Variants in TMC6 observed in about 807,000 individuals in gnomAD.
The protein encoded by TMC6 is transmembrane channel-like protein 6.
In TMC6, 71 loss-of-function variants were observed where a neutral mutation model predicts 95.4. That is an observed-to-expected ratio of 0.74 (90% CI 0.61 to 0.91). The LOEUF (loss-of-function observed/expected upper bound fraction) is 0.91. Among genes scored for constraint, TMC6 ranks in the 40% least tolerant of loss-of-function variants. The pLI, the probability that TMC6 is intolerant of heterozygous loss-of-function variation, is 0.00. For missense variants in TMC6, 1,074 were observed against 1,079.1 expected (o/e 1.00, Z 0.07); for synonymous variants, 514 against 483.1 (o/e 1.06, Z -0.84).
chr17:78,121,201 C>G lies in TMC6; in HGVS notation c.1384-37G>C, dbSNP rs970298555. The G allele has an allele frequency of 6.4e-7, 1 of 1,556,524 alleles. No homozygotes were observed. The stretch of plus-strand genomic sequence containing the variant: ...CAGGGAGCGGTGTCATGGAAGCCCC[C>G]CATCCATGGTGGGAGCGGGCAGCTA... On this transcript the variant is annotated intron_variant, in intron 11 of 19. Coordinates refer to ENST00000590602, the MANE Select transcript of TMC6 (RefSeq NM_001127198.5). This position sits in a 1 kb window ranked among gnomAD's most constrained non-coding sequence, Gnocchi z 5.6.
chr17:78,114,964 A>G (rs1286593579), intron 18 of TMC6, among the ~76,000 whole-genome samples: 2 of 152,144 alleles, frequency 1.3e-5, no homozygotes, highest in African/African-American at 4.8e-5. Context: ...CCCCGCCCGG[A>G]CCCACCTGGC....
At chr17:78,126,182 C>A (rs944857243) in intron 4 of TMC6, 95 bp downstream of exon 4, 1 of 1,485,760 alleles carries the variant, frequency 6.7e-7, no homozygotes, top group Admixed American at 2.0e-5. Context: ...GCAGCCACTA[C>A]CCAGGGAGAT....
Position 78,108,944 on chromosome 17 carries a change from C to T in TMC6, c.*4204G>A, listed in dbSNP as rs1338931032. The T allele has an allele frequency of 6.3e-6, 1 of 159,712 alleles. No individual in the cohort carries two copies. Among genetic ancestry groups the T allele is most frequent in the Non-Finnish European group, 1.4e-5 (1 of 71,960 alleles). 9.9% of individuals were successfully genotyped at this position (159,712 alleles called of 1,614,324 possible). A position where few individuals can be genotyped will look rare whatever the true frequency, so the allele number is the denominator to read the frequency against. On this transcript the variant is annotated 3_prime_UTR_variant, in exon 20 of 20. Coordinates refer to ENST00000590602, the MANE Select transcript of TMC6 (RefSeq NM_001127198.5). ...CAACCTTGACCTCAAGGTTAAGCTC[C>T]AGCGATCTTCCGACCTCAGCCTCCC... is the stretch of plus-strand genomic sequence containing the variant.
rs1368018505 is a variant in TMC6 at position 78,126,846 on chromosome 17, G to A, written c.-14C>T. 1 of 1,611,582 alleles carries A rather than the reference G, an allele frequency of 6.2e-7. No individual in the cohort carries two copies. The highest frequency in any genetic ancestry group is 1.3e-5 in the African/African-American group (1 of 74,840). ...TGGCTGGGCCATGTCTCTGGCCAAT[G>A]CCCGCTAGTCTGCAGACCTAGGGTA... On this transcript the variant is annotated 5_prime_UTR_variant, in exon 2 of 20. Coordinates refer to ENST00000590602, the MANE Select transcript of TMC6 (RefSeq NM_001127198.5).
At chr17:78,119,141 G>C in intron 14 of TMC6, 95 bp from the exon 15 acceptor site, 1 of 1,494,802 alleles carries the variant, frequency 6.7e-7, no homozygotes, top group South Asian at 1.2e-5. Context: ...TGTGACAGTG[G>C]CCAAAACTGA....
upstream of TMC6, chr17:78,131,335 G>T: frequency 1.7e-6 from 1 of 589,528 alleles, no homozygotes; most frequent in Non-Finnish European, 3.0e-6. Context: ...AGCGGGGCTG[G>T]GCCCGAATTC....
intron 15 of TMC6, chr17:78,118,203 A>G (rs960598511): frequency 6.5e-5 from 37 of 565,774 alleles, no homozygotes; most frequent in African/African-American, 5.5e-4. Context: ...CACCTCCCTC[A>G]GTCCCCACTG....
chr17:78,115,680 G>GGACCAGCTGCCGGGT (rs1567983018), intron 18 of TMC6, among the ~76,000 whole-genome samples: 3 of 113,756 alleles, frequency 2.6e-5, no homozygotes, highest in African/African-American at 1.1e-4. Flanking sequence ...GTGGGCACAG[G>GGACCAGCTGCCGGGT]GGCGAAGGGA....
At chr17:78,119,207 G>T (rs1446015901) in intron 14 of TMC6, 90 bp downstream of exon 14, 3 of 1,552,600 alleles carry the variant, frequency 1.9e-6, no homozygotes, top group Admixed American at 3.3e-5. Context: ...CCTGGCTGTG[G>T]CCCCAGGGGG....
At chr17:78,123,659 T>G (rs1598862036) in intron 9 of TMC6, among the ~76,000 whole-genome samples, 7 of 84,754 alleles carry the variant, frequency 8.3e-5, no homozygotes, top group Admixed American at 1.4e-4. Context: ...GGTGAATGGG[T>G]GGGTAGATGG....
At chr17:78,123,921 A>T in intron 9 of TMC6, 68 bp downstream of exon 9, 1 of 1,583,074 alleles carries the variant, frequency 6.3e-7, no homozygotes. Flanking sequence ...AGAATCAATG[A>T]ATGGGTCGAA....
Position 78,108,499 on chromosome 17 carries a change from C to T in TMC6, c.*4649G>A, listed in dbSNP as rs538176680. The T allele has an allele frequency of 6.5e-6, 1 of 154,762 alleles. No homozygotes were observed. Among genetic ancestry groups the T allele is most frequent in the Non-Finnish European group, 1.5e-5 (1 of 68,232 alleles). 9.6% of individuals were successfully genotyped at this position (154,762 alleles called of 1,614,324 possible). ...TACTACTACAGGGGCAAACTGTACC[C>T]GTGCCTGTGCGCTGGGAGAACAAGG... On this transcript the variant is annotated 3_prime_UTR_variant, in exon 20 of 20. Coordinates refer to ENST00000590602, the MANE Select transcript of TMC6 (RefSeq NM_001127198.5).
In TMC6 at chr17:78,109,709, C is replaced by T. The variant is rs752180740; in HGVS notation, c.*3439G>A. On this transcript the variant is annotated 3_prime_UTR_variant, in exon 20 of 20. Coordinates refer to ENST00000590602, the MANE Select transcript of TMC6 (RefSeq NM_001127198.5). The stretch of plus-strand genomic sequence containing the variant: ...CATGCGTTTGTGACAGCCTGGTGCT[C>T]GGATGGGCCCAGAGCAGGGGTTCTC... 5 of 376,018 alleles carry T rather than the reference C, an allele frequency of 1.3e-5. No individual in the cohort carries two copies. Among genetic ancestry groups the T allele is most frequent in the Admixed American group, 3.1e-5 (1 of 31,874 alleles). The allele number at this position is 376,018 out of a possible 1,614,324, so 23.3% of individuals were successfully genotyped here. A position where few individuals can be genotyped will look rare whatever the true frequency, so the allele number is the denominator to read the frequency against.
At chr17:78,119,904 T>A (rs1030639016) in intron 13 of TMC6, 4 of 329,596 alleles carry the variant, frequency 1.2e-5, no homozygotes, top group African/African-American at 8.9e-5. Flanking sequence ...CACCTCAGCC[T>A]CCCAAAGTGC....
At position 78,112,476 on chromosome 17, in the gene TMC6, G is replaced by T; in HGVS notation, c.*672C>A. The T allele has an allele frequency of 6.2e-6, 1 of 162,136 alleles. No individual in the cohort carries two copies. Among genetic ancestry groups the T allele is most frequent in the Non-Finnish European group, 1.4e-5 (1 of 73,474 alleles). The allele number at this position is 162,136 out of a possible 1,614,324, so 10.0% of individuals were successfully genotyped here. A position where few individuals can be genotyped will look rare whatever the true frequency, so the allele number is the denominator to read the frequency against. On this transcript the variant is annotated 3_prime_UTR_variant, in exon 20 of 20. Coordinates refer to ENST00000590602, the MANE Select transcript of TMC6 (RefSeq NM_001127198.5). ...AGCCAGCTGCTGGCAGCCAGAAGCA[G>T]GGGGCCAGCCCCACCTCACCAAGCC...
chr17:78,108,812 T>C lies in TMC6; in HGVS notation c.*4336A>G, dbSNP rs1292435103. 2 of 152,238 alleles carry C rather than the reference T, an allele frequency of 1.3e-5. No homozygotes were observed. The highest frequency in any genetic ancestry group is 4.8e-5 in the African/African-American group (2 of 41,462). The allele number at this position is 152,238 out of a possible 1,614,324, so 9.4% of individuals were successfully genotyped here. A position where few individuals can be genotyped will look rare whatever the true frequency, so the allele number is the denominator to read the frequency against. On this transcript the variant is annotated 3_prime_UTR_variant, in exon 20 of 20. Coordinates refer to ENST00000590602, the MANE Select transcript of TMC6 (RefSeq NM_001127198.5). ...TTTTTTTAAGTTTATTAAATTTTTT[T>C]TTAAATGGCAGTTTCAGACCTGCCC...
Position 78,124,769 on chromosome 17 carries a change from G to T in TMC6, c.646C>A (p.Leu216Met). The change falls in exon 8 of 20, where the codon CTG (leucine) becomes ATG (methionine). Residue 216 changes from leucine to methionine, a missense_variant. By Grantham distance (15) the Leu-to-Met change is conservative. Transcript: ENST00000590602. ...RYACVLALHS[L>M]GLALLSALQA... ...AGGGCGGAGAGCAGCGCCAGGCCCA[G>T]GCTGTGCAAGGCCTGCGGGCACAGG... 6.3e-7 allele frequency: 1 copy of T among 1,581,980 alleles called. No individual in the cohort carries two copies. Among genetic ancestry groups the T allele is most frequent in the Non-Finnish European group, 8.6e-7 (1 of 1,164,690 alleles).
At chr17:78,115,106 A>G (rs2073995405) in intron 18 of TMC6, among the ~76,000 whole-genome samples, 1 of 152,226 alleles carries the variant, frequency 6.6e-6, no homozygotes, top group Admixed American at 6.5e-5. Context: ...TGAAACGGGA[A>G]AGGCAGGAGA....
Position 78,109,261 on chromosome 17 carries a change from G to C in TMC6, c.*3887C>G. 2.8e-6 allele frequency: 1 copy of C among 355,306 alleles called. No individual in the cohort carries two copies. The highest frequency in any genetic ancestry group is 5.6e-6 in the Non-Finnish European group (1 of 177,940). 22.0% of individuals were successfully genotyped at this position (355,306 alleles called of 1,614,324 possible). ...AGCAGACACAGAGGCATCATGGCGA[G>C]CCCCGACTGAGTGTTCAGTGAAGAG... On this transcript the variant is annotated 3_prime_UTR_variant, in exon 20 of 20. Coordinates refer to ENST00000590602, the MANE Select transcript of TMC6 (RefSeq NM_001127198.5).
Sources: allele counts gnomAD v4.1 joint callset (sites outside exome capture counted in the v4.1 genomes callset), GRCh38; gene constraint gnomAD v4.1.1; non-coding constraint Gnocchi (gnomAD v3.1); transcripts MANE v1.5; gene names NCBI Gene and HGNC (gene_info 2026-07-23, HGNC 2026-07-21).